SPDYA: variants seen among roughly 807,000 people sequenced by gnomAD.
The protein encoded by SPDYA is speedy/RINGO cell cycle regulator family member A, also known as speedy protein A.
A neutral mutation model predicts 36.7 loss-of-function variants in SPDYA; 11 were observed. The ratio of observed to expected loss-of-function variants is 0.30; its 90% confidence interval spans 0.19 to 0.50. The LOEUF is 0.50. SPDYA is among the 20% of genes least tolerant of loss of function. The pLI, the probability that SPDYA is intolerant of heterozygous loss-of-function variation, is 0.98. For missense variants in SPDYA, 287 were observed against 370.9 expected (o/e 0.77, Z 1.86); for synonymous variants, 115 against 118.7 (o/e 0.97, Z 0.20).
intron 6 of SPDYA, 141 bp downstream of exon 6, chr2:28,829,460 T>C (rs558313864): frequency 1.4e-6 from 1 of 705,550 alleles, no homozygotes; most frequent in South Asian, 2.1e-5. Context: ...CATTGATCAT[T>C]ACCATGAATA....
chr2:28,815,598 T>C (rs1018923547), intron 2 of SPDYA, among the ~76,000 whole-genome samples: 1 of 152,004 alleles, frequency 6.6e-6, no homozygotes, highest in Admixed American at 6.6e-5. Context: ...AAATTTGAGG[T>C]GGCATATAAC....
In SPDYA at chr2:28,839,027, C is replaced by T. The variant is rs1367333520; in HGVS notation, c.553-1145C>T. Among the ~76,000 whole-genome samples, 7 of 152,314 alleles carry T rather than the reference C, an allele frequency of 4.6e-5. No homozygotes were observed. In the East Asian group the frequency reaches 1.2e-3, roughly 25 times the overall value. Reference sequence around the variant, plus strand: ...AGTTTTAGATTTCATGAGGTTAGCACATATGTACAGTTCCCCAGCTTGACT... The same window carrying T: ...AGTTTTAGATTTCATGAGGTTAGCATATATGTACAGTTCCCCAGCTTGACT... On this transcript the variant is annotated intron_variant, in intron 6 of 7. Transcript: ENST00000334056.
In SPDYA at chr2:28,842,232, A is replaced by C. The variant is rs185361444; in HGVS notation, c.850+1763A>C. ...TGCCACGGAAGCCTTCTAGCAGACTACTAAGGAGGTGGCGAAAGCATTAAG... is the reference window on the plus strand; with the variant it reads ...TGCCACGGAAGCCTTCTAGCAGACTCCTAAGGAGGTGGCGAAAGCATTAAG... On this transcript the variant is annotated intron_variant, in intron 7 of 7. Transcript: ENST00000334056. 4.6e-5 allele frequency: 7 copies of C among 152,332 alleles called. No individual in the cohort carries two copies. In the East Asian group the frequency reaches 1.3e-3, roughly 29 times the overall value. The allele number at this position is 152,332 out of a possible 1,614,324, so 9.4% of individuals were successfully genotyped here.
rs1667859615 is a variant in SPDYA, at chr2:28,811,980, C to CTAT, written c.-93+1034_-93+1036dup. On this transcript the variant is annotated intron_variant, in intron 1 of 7. Transcript: ENST00000334056. This position sits in a 1 kb window ranked among gnomAD's most constrained non-coding sequence, Gnocchi z 4.2. ...ACGATAAGTAATACTGGAGTGCTTA[C>CTAT]TATGTGTCAAGTGTTTTACACATGA... 6.6e-6 allele frequency among the ~76,000 whole-genome samples: 1 copy of CTAT among 152,114 alleles called. No homozygotes were observed. Among genetic ancestry groups the CTAT allele is most frequent in the Admixed American group, 6.5e-5 (1 of 15,270 alleles).
intron 7 of SPDYA, among the ~76,000 whole-genome samples, chr2:28,845,570 G>A (rs1224221239): frequency 6.6e-6 from 1 of 152,074 alleles, no homozygotes; most frequent in Non-Finnish European, 1.5e-5. Context: ...GTTTGAGATG[G>A]AGTTTTGCTT....
At chr2:28,838,709 C>T (rs1009172625) in intron 6 of SPDYA, among the ~76,000 whole-genome samples, 4 of 152,122 alleles carry the variant, frequency 2.6e-5, no homozygotes, top group Non-Finnish European at 5.9e-5. Context: ...AGGTGGCTCA[C>T]GCCTGTAATC....
At chr2:28,834,495 A>G (rs1222912263) in intron 6 of SPDYA, among the ~76,000 whole-genome samples, 3 of 152,250 alleles carry the variant, frequency 2.0e-5, no homozygotes, top group Non-Finnish European at 4.4e-5. Context: ...TAGAATGGAT[A>G]AACAAAATAA....
chr2:28,831,490 A>T (rs1192239970), intron 6 of SPDYA, among the ~76,000 whole-genome samples: 1 of 152,220 alleles, frequency 6.6e-6, no homozygotes, highest in African/African-American at 2.4e-5. Flanking sequence ...AGCAACATTT[A>T]AAAAAATTAA....
intron 7 of SPDYA, among the ~76,000 whole-genome samples, chr2:28,841,744 C>T (rs1343012075): frequency 2.0e-5 from 3 of 152,098 alleles, no homozygotes; most frequent in Non-Finnish European, 2.9e-5. Flanking sequence ...CAAATTTGCA[C>T]GACAGTATAG....
intron 5 of SPDYA, among the ~76,000 whole-genome samples, chr2:28,826,248 C>T (rs143548360): frequency 6.2e-4 from 94 of 152,164 alleles, no homozygotes; most frequent in African/African-American, 2.2e-3. Flanking sequence ...GCAATCCTTC[C>T]ACCTCAATCT....
At chr2:28,828,492 C>T (rs1558326205) in intron 5 of SPDYA, among the ~76,000 whole-genome samples, 1 of 152,142 alleles carries the variant, frequency 6.6e-6, no homozygotes, top group Non-Finnish European at 1.5e-5. Flanking sequence ...TTTGAACATA[C>T]AGAATAGTTA....
At chr2:28,818,961 A>G (rs761763013) in intron 3 of SPDYA, 87 bp from the exon 4 acceptor site, 1 of 1,026,098 alleles carries the variant, frequency 9.7e-7, no homozygotes, top group East Asian at 2.5e-5. Context: ...TCTAAGCACC[A>G]TGTATAATCT....
intron 5 of SPDYA, among the ~76,000 whole-genome samples, chr2:28,824,870 T>G (rs1668279774): frequency 6.6e-6 from 1 of 152,132 alleles, no homozygotes; most frequent in Middle Eastern, 3.2e-3. Context: ...TTTCTACTTG[T>G]ATTCAGGAGA....
rs182631727 is a variant in SPDYA, at chr2:28,840,943, T to G, written c.850+474T>G. 455 of 279,318 alleles carry G rather than the reference T, an allele frequency of 1.6e-3. 4 individuals carry two copies. The highest frequency in any genetic ancestry group is 1.9e-3 in the African/African-American group (82 of 43,412). The allele number at this position is 279,318 out of a possible 1,614,324, so 17.3% of individuals were successfully genotyped here. On this transcript the variant is annotated intron_variant, in intron 7 of 7. Transcript: ENST00000334056. ...CCTCCAAAACCAGTTTTTTTTTTTT[T>G]TTTTTTTTTGAAACAGAGTCTCACT... is the stretch of plus-strand genomic sequence containing the variant.
At chr2:28,828,295 G>A (rs1321551989) in intron 5 of SPDYA, among the ~76,000 whole-genome samples, 2 of 151,872 alleles carry the variant, frequency 1.3e-5, no homozygotes, top group Non-Finnish European at 2.9e-5. Context: ...CCCTCATCTT[G>A]TGTTTATGAT....
intron 6 of SPDYA, among the ~76,000 whole-genome samples, chr2:28,834,237 G>C (rs959132531): frequency 6.6e-6 from 1 of 152,150 alleles, no homozygotes; most frequent in African/African-American, 2.4e-5. Flanking sequence ...TGAAGAGGAT[G>C]TGGAGATACT....
intron 7 of SPDYA, among the ~76,000 whole-genome samples, chr2:28,845,222 A>G (rs1052781283): frequency 1.3e-4 from 20 of 148,256 alleles, no homozygotes; most frequent in African/African-American, 5.0e-4. Context: ...AGTAGCTGGC[A>G]CTACAGGCAC....
intron 4 of SPDYA, among the ~76,000 whole-genome samples, chr2:28,821,178 A>ATT (rs1016145776): frequency 8.4e-5 from 11 of 130,290 alleles, no homozygotes; most frequent in Admixed American, 1.6e-4. Flanking sequence ...TTATGATGTG[A>ATT]TTTTTTTTTT....
chr2:28,843,107 C>CAGGT (rs1043098810), intron 7 of SPDYA, among the ~76,000 whole-genome samples: 3 of 152,148 alleles, frequency 2.0e-5, no homozygotes, highest in Non-Finnish European at 2.9e-5. Context: ...CCTCAATTTG[C>CAGGT]AGGTAAAGAC....
Sources: allele counts gnomAD v4.1 joint callset (sites outside exome capture counted in the v4.1 genomes callset), GRCh38; gene constraint gnomAD v4.1.1; non-coding constraint Gnocchi (gnomAD v3.1); transcripts MANE v1.5; gene names NCBI Gene and HGNC (gene_info 2026-07-23, HGNC 2026-07-21).